The following DOCK2 variants were observed in gnomAD, a reference collection of about 807,000 sequenced individuals.
DOCK2 encodes the protein dedicator of cytokinesis protein 2.
DOCK2 carries 87 observed loss-of-function variants against 248.9 expected under a neutral mutation model. The observed-to-expected ratio is 0.35, with a 90% confidence interval of 0.29 to 0.42. The LOEUF (loss-of-function observed/expected upper bound fraction) is 0.42. DOCK2 is among the 10% of genes least tolerant of loss of function. The pLI is 1.00. For missense variants in DOCK2, 1,747 were observed against 2,300.2 expected (o/e 0.76, Z 4.92); for synonymous variants, 805 against 821.6 (o/e 0.98, Z 0.35).
intron 27 of DOCK2, among the ~76,000 whole-genome samples, chr5:169,953,689 T>C (rs961930358): frequency 3.3e-5 from 5 of 152,132 alleles, no homozygotes; most frequent in African/African-American, 9.7e-5. Flanking sequence ...TGGGTTCCAT[T>C]TAATGCAGCA....
intron 25 of DOCK2, chr5:169,779,298 A>T (rs184649521): frequency 2.3e-3 from 344 of 152,316 alleles, no homozygotes; most frequent in Middle Eastern, 0.017. Context: ...CAATTTACTT[A>T]CCAATTGTTA....
intron 33 of DOCK2, among the ~76,000 whole-genome samples, chr5:170,024,881 C>T (rs1012372902): frequency 6.6e-6 from 1 of 152,164 alleles, no homozygotes; most frequent in African/African-American, 2.4e-5. Context: ...TCACACACTC[C>T]CTGGAACCCT....
At position 170,041,150 on chromosome 5, in the gene DOCK2, A is replaced by G; in HGVS notation, c.3756+5A>G. On this transcript the variant is annotated splice_donor_5th_base_variant and intron_variant, in intron 37 of 51. Coordinates refer to ENST00000520908, the MANE Select transcript of DOCK2 (RefSeq NM_004946.3). ...CTCCACACCTGGCTTCTCAAGGTAC[A>G]GTCACTTTGGGTGAAGGGCATTTAT... is the stretch of plus-strand genomic sequence containing the variant. 6.2e-7 allele frequency: 1 copy of G among 1,612,702 alleles called. No individual in the cohort carries two copies. The highest frequency in any genetic ancestry group is 8.5e-7 in the Non-Finnish European group (1 of 1,178,670).
At chr5:170,011,392 C>T (rs1435247897) in intron 32 of DOCK2, among the ~76,000 whole-genome samples, 4 of 152,166 alleles carry the variant, frequency 2.6e-5, no homozygotes, top group Admixed American at 2.6e-4. Context: ...AGAGTGTTTG[C>T]TCTGAAGCAT....
At chr5:169,690,667 C>G (rs1760248252) in intron 9 of DOCK2, among the ~76,000 whole-genome samples, 1 of 152,162 alleles carries the variant, frequency 6.6e-6, no homozygotes, top group Non-Finnish European at 1.5e-5. Context: ...ACAGGCCTTC[C>G]TGATTAAACC....
intron 41 of DOCK2, among the ~76,000 whole-genome samples, chr5:170,051,574 C>T (rs1345730227): frequency 6.6e-6 from 1 of 152,132 alleles, no homozygotes; most frequent in African/African-American, 2.4e-5. Context: ...TCTTCATGAC[C>T]CTGGTATCTC....
At chr5:169,954,242 G>T (rs181731122) in intron 27 of DOCK2, among the ~76,000 whole-genome samples, 1 of 152,312 alleles carries the variant, frequency 6.6e-6, no homozygotes, top group African/African-American at 2.4e-5. Context: ...CTTAGCAATC[G>T]CTGGACATTT....
chr5:169,853,683 G>A (rs1770727978), intron 27 of DOCK2, among the ~76,000 whole-genome samples: 1 of 151,578 alleles, frequency 6.6e-6, no homozygotes, highest in African/African-American at 2.4e-5. Context: ...CCAGAGCTCA[G>A]AACATGTTCT....
chr5:169,693,569 A>C (rs1042472080), intron 9 of DOCK2, among the ~76,000 whole-genome samples: 3 of 152,194 alleles, frequency 2.0e-5, no homozygotes, highest in African/African-American at 7.2e-5. Flanking sequence ...GGCAGGCCAG[A>C]GACAAGGCTG....
At chr5:169,688,381 C>G (rs922951727) in intron 8 of DOCK2, among the ~76,000 whole-genome samples, 2 of 152,220 alleles carry the variant, frequency 1.3e-5, no homozygotes, top group African/African-American at 4.8e-5. Context: ...TGACCACCCA[C>G]TAGGTCAGGC....
intron 25 of DOCK2, 98 bp downstream of exon 25, chr5:169,761,723 C>T: frequency 2.3e-6 from 2 of 869,140 alleles, no homozygotes; most frequent in East Asian, 2.5e-5. Flanking sequence ...TGTCCAGTGA[C>T]TATAACATCT....
intron 27 of DOCK2, among the ~76,000 whole-genome samples, chr5:169,946,624 G>A (rs1776461614): frequency 6.6e-6 from 1 of 152,182 alleles, no homozygotes; most frequent in African/African-American, 2.4e-5. Flanking sequence ...GACTCATTGT[G>A]TATCAGCCAC....
At chr5:169,661,325 A>G (rs540952603) in intron 2 of DOCK2, among the ~76,000 whole-genome samples, 3 of 152,338 alleles carry the variant, frequency 2.0e-5, no homozygotes, top group African/African-American at 7.2e-5. Flanking sequence ...TTTTAATTGT[A>G]TATGTTTAAG....
intron 26 of DOCK2, among the ~76,000 whole-genome samples, chr5:169,838,983 A>G (rs946932135): frequency 3.3e-5 from 5 of 152,186 alleles, no homozygotes; most frequent in Admixed American, 6.5e-5. Context: ...CTCTCACTGT[A>G]TAACCAACTC....
intron 25 of DOCK2, among the ~76,000 whole-genome samples, chr5:169,785,795 G>A (rs1158141111): frequency 2.6e-5 from 4 of 152,088 alleles, no homozygotes; most frequent in Non-Finnish European, 5.9e-5. Context: ...CTCTTCCTGT[G>A]GGCTTCTTCT....
At chr5:169,788,109 T>C (rs1420216449) in intron 25 of DOCK2, among the ~76,000 whole-genome samples, 1 of 152,202 alleles carries the variant, frequency 6.6e-6, no homozygotes, top group African/African-American at 2.4e-5. Flanking sequence ...ACTTTACTCA[T>C]TCTTTTCAAG....
At chr5:169,652,199 C>T (rs1325182211) in intron 1 of DOCK2, among the ~76,000 whole-genome samples, 3 of 152,208 alleles carry the variant, frequency 2.0e-5, no homozygotes, top group Non-Finnish European at 4.4e-5. Flanking sequence ...AAAAGATATC[C>T]TTCCTCTGGT....
At chr5:169,780,864 C>T (rs1443368574) in intron 25 of DOCK2, among the ~76,000 whole-genome samples, 1 of 152,144 alleles carries the variant, frequency 6.6e-6, no homozygotes, top group Admixed American at 6.5e-5. Flanking sequence ...GAGTTAAGTT[C>T]CTAACTTAAA....
chr5:169,651,870 C>T (rs1337451599), intron 1 of DOCK2, among the ~76,000 whole-genome samples: 8 of 152,082 alleles, frequency 5.3e-5, no homozygotes, highest in African/African-American at 2.4e-5. Flanking sequence ...AAGTGTTGGT[C>T]GACAGAGCAG....
Sources: gnomAD v4.1 joint callset for allele counts (sites outside exome capture counted in the v4.1 genomes callset) on GRCh38, gnomAD v4.1.1 for gene constraint, MANE v1.5 for transcripts, NCBI Gene and HGNC (gene_info 2026-07-23, HGNC 2026-07-21) for gene names.